Variants in DPYD observed in about 807,000 individuals in gnomAD.
DPYD encodes the protein dihydropyrimidine dehydrogenase [NADP(+)].
A neutral mutation model predicts 116.2 loss-of-function variants in DPYD; 109 were observed. That is an observed-to-expected ratio of 0.94 (90% CI 0.80 to 1.10). The LOEUF (loss-of-function observed/expected upper bound fraction) is 1.10, where lower values mean the gene tolerates loss of function less well. Among genes scored for constraint, DPYD ranks in the 50% least tolerant of loss-of-function variants. DPYD has a pLI of 0.00. For missense variants in DPYD, 1,302 were observed against 1,254.5 expected (o/e 1.04, Z -0.57); for synonymous variants, 440 against 432.0 (o/e 1.02, Z -0.23).
At chr1:97,714,501 G>T (rs887939582) in intron 5 of DPYD, among the ~76,000 whole-genome samples, 1 of 151,852 alleles carries the variant, frequency 6.6e-6, no homozygotes, top group East Asian at 1.9e-4. Context: ...GACCCACCAC[G>T]CCTGGCCCAT....
At chr1:97,314,713 T>C (rs1176539624) in intron 16 of DPYD, among the ~76,000 whole-genome samples, 1 of 151,884 alleles carries the variant, frequency 6.6e-6, no homozygotes, top group Non-Finnish European at 1.5e-5. Context: ...CTGCCACAAT[T>C]TGTCCCTATG....
chr1:97,271,758 T>A (rs1161285305), intron 18 of DPYD, among the ~76,000 whole-genome samples: 1 of 151,730 alleles, frequency 6.6e-6, no homozygotes, highest in East Asian at 1.9e-4. Context: ...GCATTCTCCT[T>A]TCTCCCACTT....
chr1:97,326,425 C>A (rs1461279206), intron 16 of DPYD, among the ~76,000 whole-genome samples: 1 of 151,706 alleles, frequency 6.6e-6, no homozygotes, highest in African/African-American at 2.4e-5. Flanking sequence ...GCATAACTCT[C>A]AAATTAAACT....
At chr1:97,440,146 A>G in intron 14 of DPYD, among the ~76,000 whole-genome samples, 1 of 151,822 alleles carries the variant, frequency 6.6e-6, no homozygotes, top group South Asian at 2.1e-4. Flanking sequence ...ATGGTGACGC[A>G]TGCCTGTAAT....
intron 6 of DPYD, among the ~76,000 whole-genome samples, chr1:97,696,016 G>A (rs1412481486): frequency 2.0e-5 from 3 of 151,864 alleles, no homozygotes; most frequent in Non-Finnish European, 4.4e-5. Flanking sequence ...TGTAGTCCCA[G>A]CTACTTGGGA....
chr1:97,803,422 T>C (rs550171231), intron 3 of DPYD, among the ~76,000 whole-genome samples: 1 of 151,886 alleles, frequency 6.6e-6, no homozygotes, highest in South Asian at 2.1e-4. Context: ...AAAAATAGTA[T>C]GACAGAAAAA....
intron 3 of DPYD, among the ~76,000 whole-genome samples, chr1:97,781,029 C>T (rs996194256): frequency 3.3e-5 from 5 of 152,128 alleles, no homozygotes; most frequent in South Asian, 2.1e-4. Flanking sequence ...GCAACTCTCA[C>T]GACAGTTAAT....
chr1:97,566,109 T>G (rs1352387674), intron 11 of DPYD, among the ~76,000 whole-genome samples: 1 of 152,144 alleles, frequency 6.6e-6, no homozygotes, highest in Non-Finnish European at 1.5e-5. Flanking sequence ...GACTTCAATT[T>G]ACAACCCACT....
At chr1:97,714,201 A>G (rs1324476621) in intron 5 of DPYD, among the ~76,000 whole-genome samples, 2 of 151,960 alleles carry the variant, frequency 1.3e-5, no homozygotes, top group African/African-American at 2.4e-5. Flanking sequence ...TCCTCGTCAC[A>G]TAGACCCCCC....
chr1:97,871,008 A>G (rs1671632448), intron 2 of DPYD, among the ~76,000 whole-genome samples: 1 of 151,930 alleles, frequency 6.6e-6, no homozygotes, highest in Non-Finnish European at 1.5e-5. Flanking sequence ...ATGTTTTGCA[A>G]AGGTAAAATA....
At chr1:97,282,413 C>A (rs1665385997) in intron 18 of DPYD, among the ~76,000 whole-genome samples, 1 of 151,366 alleles carries the variant, frequency 6.6e-6, no homozygotes, top group Admixed American at 6.6e-5. Flanking sequence ...CTCTTTTTTT[C>A]AGAGATGCAG....
chr1:97,757,412 C>T (rs1571309179), intron 3 of DPYD, among the ~76,000 whole-genome samples: 1 of 152,052 alleles, frequency 6.6e-6, no homozygotes, highest in Non-Finnish European at 1.5e-5. Flanking sequence ...TGAAAGAAGG[C>T]CCTGGTGACT....
At chr1:97,697,017 A>C (rs1661345135) in intron 6 of DPYD, among the ~76,000 whole-genome samples, 1 of 152,114 alleles carries the variant, frequency 6.6e-6, no homozygotes, top group South Asian at 2.1e-4. Flanking sequence ...TTAATTTATA[A>C]GAGAAAAATC....
At chr1:97,517,267 G>A (rs906416836) in intron 12 of DPYD, among the ~76,000 whole-genome samples, 1 of 151,984 alleles carries the variant, frequency 6.6e-6, no homozygotes, top group East Asian at 1.9e-4. Context: ...TAGTCTGGGT[G>A]TGAACATAAT....
intron 3 of DPYD, among the ~76,000 whole-genome samples, chr1:97,776,481 A>G (rs1343809744): frequency 6.6e-6 from 1 of 152,190 alleles, no homozygotes; most frequent in African/African-American, 2.4e-5. Context: ...GTTCATCTGT[A>G]TCATACAACC....
At chr1:97,489,043 CGG>C (rs1234796220) in intron 13 of DPYD, among the ~76,000 whole-genome samples, 1 of 152,188 alleles carries the variant, frequency 6.6e-6, no homozygotes, top group Non-Finnish European at 1.5e-5. Flanking sequence ...AGAACCCTCC[CGG>C]GCTGAGCCCC....
chr1:97,586,433 T>C (rs1338031087), intron 10 of DPYD: 1 of 138,310 alleles, frequency 7.2e-6, no homozygotes, highest in Non-Finnish European at 1.5e-5. Flanking sequence ...TTTTAATGAA[T>C]CTGTGGGCTT....
intron 14 of DPYD, among the ~76,000 whole-genome samples, chr1:97,403,949 G>T (rs1402802383): frequency 6.6e-6 from 1 of 151,676 alleles, no homozygotes; most frequent in Non-Finnish European, 1.5e-5. Flanking sequence ...TGCCCTTTAA[G>T]TACTACTTTT....
chr1:97,495,660 ATT>A (rs1679219753), intron 13 of DPYD, among the ~76,000 whole-genome samples: 1 of 152,036 alleles, frequency 6.6e-6, no homozygotes, highest in African/African-American at 2.4e-5. Context: ...TATCATTATT[ATT>A]AAGATTTTCT....
Sources: allele counts gnomAD v4.1 joint callset (sites outside exome capture counted in the v4.1 genomes callset), GRCh38; gene constraint gnomAD v4.1.1; transcripts MANE v1.5; gene names NCBI Gene and HGNC (gene_info 2026-07-23, HGNC 2026-07-21).